PSMD12: variants seen among roughly 807,000 people sequenced by gnomAD.
PSMD12 encodes 26S proteasome non-ATPase regulatory subunit 12.
In PSMD12, 8 loss-of-function variants were observed where a neutral mutation model predicts 62.9. The observed-to-expected ratio is 0.13, with a 90% CI of 0.07 to 0.23. PSMD12 has a LOEUF of 0.23. PSMD12 is among the 10% of genes least tolerant of loss of function. PSMD12 has a pLI of 1.00. For missense variants in PSMD12, 424 were observed against 550.2 expected (o/e 0.77, Z 2.29); for synonymous variants, 173 against 187.4 (o/e 0.92, Z 0.63).
intron 4 of PSMD12, among the ~76,000 whole-genome samples, chr17:67,348,946 T>C (rs950052449): frequency 2.6e-5 from 4 of 152,178 alleles, no homozygotes; most frequent in African/African-American, 4.8e-5. Context: ...CAGTGAGCCA[T>C]GATCAGGCCA....
chr17:67,343,899 T>G (rs1485443521), intron 9 of PSMD12, among the ~76,000 whole-genome samples: 1 of 151,842 alleles, frequency 6.6e-6, no homozygotes, highest in African/African-American at 2.4e-5. Flanking sequence ...AGATGGGGTT[T>G]CACCATGTTG....
chr17:67,362,208 C>A (rs895148585), intron 1 of PSMD12, among the ~76,000 whole-genome samples: 1 of 152,164 alleles, frequency 6.6e-6, no homozygotes, highest in African/African-American at 2.4e-5. Context: ...ATATTAAGAA[C>A]TGCTAAATAC....
At chr17:67,360,598 T>A (rs530682750) in intron 1 of PSMD12, among the ~76,000 whole-genome samples, 84 of 152,364 alleles carry the variant, frequency 5.5e-4, no homozygotes, top group Middle Eastern at 3.4e-3. Context: ...GTGAGCTGCA[T>A]CACACCAAGC....
intron 9 of PSMD12, among the ~76,000 whole-genome samples, chr17:67,344,216 C>T (rs1290961537): frequency 6.6e-6 from 1 of 152,190 alleles, no homozygotes; most frequent in Non-Finnish European, 1.5e-5. Context: ...CACCCTCCTG[C>T]CCCCATTCTT....
At position 67,357,337 on chromosome 17, in the gene PSMD12, A is replaced by T; in HGVS notation, c.263T>A (p.Met88Lys). The part of the protein sequence containing the change: ...KEWDLLNENI[M>K]LLSKRRSQLK... ...CTGACTCCGCCTTTTGGACAAAAGC[A>T]TAATATTTTCATTAAGTAAATCCCA... Residue 88 changes from methionine to lysine, a missense_variant, in exon 3 of 11, where the codon ATG becomes AAG. Physicochemically the swap from Met to Lys is moderately conservative, Grantham distance 95 (BLOSUM62 -1). Coordinates refer to ENST00000356126, the MANE Select transcript of PSMD12 (RefSeq NM_002816.5). The T allele has an allele frequency of 6.2e-7, 1 of 1,613,788 alleles. No homozygotes were observed. The highest frequency in any genetic ancestry group is 8.5e-7 in the Non-Finnish European group (1 of 1,179,922).
At chr17:67,357,848 G>A (rs1233524250) in intron 1 of PSMD12, among the ~76,000 whole-genome samples, 2 of 151,888 alleles carry the variant, frequency 1.3e-5, no homozygotes, top group Non-Finnish European at 2.9e-5. Flanking sequence ...TAACAATCAT[G>A]TAACACCTAA....
At chr17:67,360,588 G>A (rs935888009) in intron 1 of PSMD12, among the ~76,000 whole-genome samples, 23 of 152,204 alleles carry the variant, frequency 1.5e-4, no homozygotes, top group African/African-American at 5.5e-4. Flanking sequence ...CTGCAGTTCA[G>A]TGAGCTGCAT....
intron 1 of PSMD12, among the ~76,000 whole-genome samples, chr17:67,363,836 G>A (rs964020115): frequency 3.9e-5 from 6 of 152,048 alleles, no homozygotes; most frequent in African/African-American, 1.2e-4. Flanking sequence ...GATCACCTGA[G>A]GCCAGGAGTT....
Position 67,358,945 on chromosome 17 carries a change from G to A in PSMD12, c.109-1367C>T, listed in dbSNP as rs149157583. Among the ~76,000 whole-genome samples, 822 of 152,204 alleles carry A rather than the reference G, an allele frequency of 5.4e-3. 5 individuals are homozygous for A. Among genetic ancestry groups the A allele is most frequent in the African/African-American group, 0.018 (765 of 41,518 alleles). Reference sequence around the variant, plus strand: ...TCCCTAGGCTATATATTTAGAGATTGGAACAATAAAACTCAAATAATATAA... The same window carrying A: ...TCCCTAGGCTATATATTTAGAGATTAGAACAATAAAACTCAAATAATATAA... On this transcript the variant is annotated intron_variant, in intron 1 of 10. Coordinates refer to ENST00000356126, the MANE Select transcript of PSMD12 (RefSeq NM_002816.5).
intron 9 of PSMD12, among the ~76,000 whole-genome samples, chr17:67,344,056 C>G (rs2041940681): frequency 6.6e-6 from 1 of 152,134 alleles, no homozygotes; most frequent in South Asian, 2.1e-4. Context: ...TGTAAAGTGT[C>G]TGGCACACAG....
At position 67,345,363 on chromosome 17, in the gene PSMD12, C is replaced by T. The variant is rs531622666; in HGVS notation, c.908+382G>A. On this transcript the variant is annotated intron_variant, in intron 8 of 10. Transcript: ENST00000356126. Reference sequence around the variant, plus strand: ...CCAATTAAGAAGTACACACTTAGGCCAGGCGCAGTGGCTCAAGCCTGTAAT... The same window carrying T: ...CCAATTAAGAAGTACACACTTAGGCTAGGCGCAGTGGCTCAAGCCTGTAAT... 4.6e-5 allele frequency among the ~76,000 whole-genome samples: 7 copies of T among 152,310 alleles called. No individual in the cohort carries two copies. In the South Asian group the frequency reaches 1.5e-3, roughly 32 times the overall value.
intron 1 of PSMD12, among the ~76,000 whole-genome samples, chr17:67,359,780 A>C (rs962296212): frequency 6.6e-6 from 1 of 152,160 alleles, no homozygotes; most frequent in African/African-American, 2.4e-5. Flanking sequence ...CCTTTCTCTG[A>C]AAGTTCTATA....
At position 67,351,392 on chromosome 17, in the gene PSMD12, A is replaced by AAATAATAATAATAATAATAAT. The variant is rs56142901; in HGVS notation, c.298-1077_298-1057dup. On this transcript the variant is annotated intron_variant, in intron 3 of 10. Coordinates refer to ENST00000356126, the MANE Select transcript of PSMD12 (RefSeq NM_002816.5). ...GGGAGACAGATCGAGACTTGTCTCA[A>AAATAATAATAATAATAATAAT]AATAATAATAATAATAATAATAATA... Among the ~76,000 whole-genome samples, 101 of 140,130 alleles carry AAATAATAATAATAATAATAAT rather than the reference A, an allele frequency of 7.2e-4. 1 individual carries two copies. Among genetic ancestry groups the AAATAATAATAATAATAATAAT allele is most frequent in the South Asian group, 2.1e-3 (9 of 4,344 alleles). The allele number at this position is 140,130 out of a possible 152,430, so 91.9% of individuals were successfully genotyped here.
rs529426261 is a variant in PSMD12, at chr17:67,342,052, A to G, written c.1161+134T>C. 9.9e-5 allele frequency: 68 copies of G among 686,962 alleles called. No homozygotes were observed. In the Admixed American group the frequency reaches 1.8e-3, roughly 18 times the overall value. 42.6% of individuals were successfully genotyped at this position (686,962 alleles called of 1,614,324 possible). ...TACTTAAGTTAGTTTTTGGTACTCAAGATTGCTTGGGAAACTATTACTCTA... is the reference window on the plus strand; with the variant it reads ...TACTTAAGTTAGTTTTTGGTACTCAGGATTGCTTGGGAAACTATTACTCTA... On this transcript the variant is annotated intron_variant, in intron 10 of 10. Coordinates refer to ENST00000356126, the MANE Select transcript of PSMD12 (RefSeq NM_002816.5).
chr17:67,356,051 T>G (rs529639811), intron 3 of PSMD12, among the ~76,000 whole-genome samples: 1 of 151,984 alleles, frequency 6.6e-6, no homozygotes, highest in African/African-American at 2.4e-5. Flanking sequence ...TACATTCTTT[T>G]GGCAGACTTC....
chr17:67,360,738 C>T, intron 1 of PSMD12, among the ~76,000 whole-genome samples: 1 of 152,174 alleles, frequency 6.6e-6, no homozygotes, highest in East Asian at 1.9e-4. Flanking sequence ...CTTGTCACTT[C>T]TCTTTGCACC....
intron 4 of PSMD12, 67 bp downstream of exon 4, chr17:67,350,162 A>AT (rs548572811): frequency 1.0e-6 from 1 of 972,542 alleles, no homozygotes; most frequent in Non-Finnish European, 1.5e-6. Context: ...ATCTACATAC[A>AT]TTAAGTATCT....
intron 4 of PSMD12, among the ~76,000 whole-genome samples, 174 bp downstream of exon 4, chr17:67,350,055 A>C (rs1392793499): frequency 6.6e-6 from 1 of 152,204 alleles, no homozygotes; most frequent in Non-Finnish European, 1.5e-5. Flanking sequence ...AAATAGATTC[A>C]TTTGCAGAAA....
intron 3 of PSMD12, among the ~76,000 whole-genome samples, chr17:67,354,988 A>C (rs1259748684): frequency 6.6e-6 from 1 of 152,144 alleles, no homozygotes; most frequent in African/African-American, 2.4e-5. Flanking sequence ...AGACTGTCTC[A>C]AATAAATAAA....
Sources: gnomAD v4.1 joint callset for allele counts (sites outside exome capture counted in the v4.1 genomes callset) on GRCh38, gnomAD v4.1.1 for gene constraint, MANE v1.5 for transcripts, NCBI Gene and HGNC (gene_info 2026-07-23, HGNC 2026-07-21) for gene names.